STRAP: variants seen among roughly 807,000 people sequenced by gnomAD.
The protein encoded by STRAP is serine-threonine kinase receptor-associated protein.
STRAP carries 16 observed loss-of-function variants against 47.0 expected under a neutral mutation model. The observed-to-expected ratio is 0.34, with a 90% CI of 0.23 to 0.52. STRAP has a LOEUF of 0.52. Ranked by LOEUF, STRAP falls within the 20% of genes least tolerant of loss-of-function variation. The pLI is 0.96. For synonymous variants in STRAP, 130 were observed against 142.7 expected (o/e 0.91, Z 0.63); for missense variants, 293 against 420.0 (o/e 0.70, Z 2.64).
intron 2 of STRAP, 152 bp downstream of exon 2, chr12:15,883,828 C>T: frequency 9.5e-7 from 1 of 1,050,362 alleles, no homozygotes; most frequent in South Asian, 1.7e-5. Flanking sequence ...CATCGTGGTC[C>T]ATCGTGGTCC....
At chr12:15,885,212 A>G (rs947845076) in intron 2 of STRAP, among the ~76,000 whole-genome samples, 5 of 130,132 alleles carry the variant, frequency 3.8e-5, no homozygotes, top group African/African-American at 1.5e-4. Context: ...TTTTAAAGAC[A>G]GAGTCTTGCT....
chr12:15,901,405 C>T (rs185979677), intron 9 of STRAP, among the ~76,000 whole-genome samples: 96 of 152,162 alleles, frequency 6.3e-4, no homozygotes, highest in Non-Finnish European at 6.6e-4. Flanking sequence ...TTGGTAGGGA[C>T]AGGATGGAAA....
Position 15,902,913 on chromosome 12 carries a change from A to G in STRAP, c.992-4A>G, listed in dbSNP as rs756067143. The stretch of plus-strand genomic sequence containing the variant: ...TTTTTTTTTTTTTTTTTTTTTACTT[A>G]TAGAAGAAATTGCTTCAGAGAATTC... On this transcript the variant is annotated splice_polypyrimidine_tract_variant and splice_region_variant and intron_variant, in intron 9 of 9. Transcript: ENST00000419869. The G allele has an allele frequency of 1.6e-6, 2 of 1,256,614 alleles. No individual in the cohort carries two copies. The highest frequency in any genetic ancestry group is 2.0e-6 in the Non-Finnish European group (2 of 992,262). 77.8% of individuals were successfully genotyped at this position (1,256,614 alleles called of 1,614,324 possible).
chr12:15,882,914 AG>A, intron 1 of STRAP, 95 bp downstream of exon 1: 5 of 1,381,100 alleles, frequency 3.6e-6, no homozygotes, highest in Non-Finnish European at 4.0e-6. Context: ...TGGTGTGGTG[AG>A]GGGGGAGGGG....
chr12:15,898,667 G>A (rs1309525311), intron 7 of STRAP, among the ~76,000 whole-genome samples: 1 of 152,142 alleles, frequency 6.6e-6, no homozygotes, highest in Non-Finnish European at 1.5e-5. Flanking sequence ...GATGGACCAG[G>A]TATTTCACAT....
At chr12:15,902,847 A>G in intron 9 of STRAP, 70 bp from the exon 10 acceptor site, 1 of 1,426,592 alleles carries the variant, frequency 7.0e-7, no homozygotes, top group Non-Finnish European at 9.2e-7. Flanking sequence ...ACAGAAATGT[A>G]GATTTGCTTC....
intron 6 of STRAP, among the ~76,000 whole-genome samples, chr12:15,897,241 T>C (rs1006829948): frequency 2.6e-5 from 4 of 152,212 alleles, no homozygotes; most frequent in African/African-American, 9.6e-5. Context: ...CCTTTCATGA[T>C]TTTTAGGGTT....
chr12:15,902,194 G>T (rs1948109561), intron 9 of STRAP, among the ~76,000 whole-genome samples: 1 of 152,122 alleles, frequency 6.6e-6, no homozygotes, highest in Admixed American at 6.5e-5. Context: ...GGCTGGTCTT[G>T]AACTCCTGAC....
Position 15,893,179 on chromosome 12 carries a change from CT to C in STRAP, c.404-859del, listed in dbSNP as rs1360542148. On this transcript the variant is annotated intron_variant, in intron 4 of 9. Coordinates refer to ENST00000419869, the MANE Select transcript of STRAP (RefSeq NM_007178.4). The stretch of plus-strand genomic sequence containing the variant: ...TCTCCTACAGATTTAAGCTCCCTTC[CT>C]TTTTTTTTATGTTTTCCTCACAGTG... Among the ~76,000 whole-genome samples the C allele has an allele frequency of 3.3e-5, 5 of 150,840 alleles. No homozygotes were observed. In the South Asian group the frequency reaches 8.4e-4, roughly 25 times the overall value.
intron 2 of STRAP, among the ~76,000 whole-genome samples, chr12:15,884,495 G>T (rs901278309): frequency 6.7e-6 from 1 of 150,264 alleles, no homozygotes. Context: ...CCAGAAATTC[G>T]GATTTTTAAA....
chr12:15,897,479 T>C (rs1206326525), intron 6 of STRAP, among the ~76,000 whole-genome samples: 1 of 152,188 alleles, frequency 6.6e-6, no homozygotes, highest in African/African-American at 2.4e-5. Flanking sequence ...TTTATGTTAA[T>C]TACCTACTGT....
Position 15,894,280 on chromosome 12 carries a change from G to A in STRAP, c.500+137G>A, listed in dbSNP as rs77289111. 1.3e-3 allele frequency: 771 copies of A among 608,782 alleles called. 7 individuals are homozygous for A. The highest frequency in any genetic ancestry group is 0.012 in the African/African-American group (642 of 53,176). The allele number at this position is 608,782 out of a possible 1,614,324, so 37.7% of individuals were successfully genotyped here. On this transcript the variant is annotated intron_variant, in intron 5 of 9. Transcript: ENST00000419869. This position sits in a 1 kb window ranked among gnomAD's most constrained non-coding sequence, Gnocchi z 4.9. Reference sequence around the variant, plus strand: ...ACTAGACCAGCCTGGCCGACATGGCGAAATACTGTCTCTATGAAAATTACA... The same window carrying A: ...ACTAGACCAGCCTGGCCGACATGGCAAAATACTGTCTCTATGAAAATTACA...
At chr12:15,883,084 A>C in intron 1 of STRAP, 1 of 1,535,668 alleles carries the variant, frequency 6.5e-7, no homozygotes, top group Non-Finnish European at 8.7e-7. Flanking sequence ...TTTTTGAAGG[A>C]GCTGGTCAGC....
rs1263535605 is a variant in STRAP at position 15,882,649 on chromosome 12, A to G, written c.-59A>G. On this transcript the variant is annotated 5_prime_UTR_variant, in exon 1 of 10. Transcript: ENST00000419869. ...GCAGCCCGAGGCACTGCAGCAGAAG[A>G]GAGAAAAGACAACGACGACCCTCAG... is the stretch of plus-strand genomic sequence containing the variant. The G allele has an allele frequency of 2.8e-6, 4 of 1,436,626 alleles. No individual in the cohort carries two copies. The African/African-American group carries it at 5.6e-5, about 20-fold the overall frequency. The allele number at this position is 1,436,626 out of a possible 1,614,324, so 89.0% of individuals were successfully genotyped here. A position where few individuals can be genotyped will look rare whatever the true frequency, so the allele number is the denominator to read the frequency against.
In STRAP at chr12:15,903,324, G is replaced by A. The variant is rs754256998; in HGVS notation, c.*346G>A. On this transcript the variant is annotated 3_prime_UTR_variant, in exon 10 of 10. Transcript: ENST00000419869. ...AAAACTATATTGGCTGATTTTTTCT[G>A]ATCTTAAAGCAGAATGCCTTTTCTT... 2.9e-5 allele frequency: 5 copies of A among 174,292 alleles called. No homozygotes were observed. The highest frequency in any genetic ancestry group is 6.0e-5 in the Non-Finnish European group (5 of 83,610). 10.8% of individuals were successfully genotyped at this position (174,292 alleles called of 1,614,324 possible).
In STRAP at chr12:15,890,974, C is replaced by T. The variant is rs1340964300; in HGVS notation, c.403+305C>T. 1.3e-5 allele frequency among the ~76,000 whole-genome samples: 2 copies of T among 151,806 alleles called. No homozygotes were observed. Among genetic ancestry groups the T allele is most frequent in the Non-Finnish European group, 2.9e-5 (2 of 67,954 alleles). On this transcript the variant is annotated intron_variant, in intron 4 of 9. Coordinates refer to ENST00000419869, the MANE Select transcript of STRAP (RefSeq NM_007178.4). This position sits in a 1 kb window ranked among gnomAD's most constrained non-coding sequence, Gnocchi z 4.5. ...ACTTGGGAGGCTGAGGCAGGAGAAT[C>T]GCTTGAACCCGGGAGGTGGAGGTTG...
intron 1 of STRAP, 53 bp from the exon 2 acceptor site, chr12:15,883,488 G>A (rs1947941752): frequency 1.9e-6 from 3 of 1,550,386 alleles, no homozygotes; most frequent in African/African-American, 1.4e-5. Context: ...TTGAATCTTA[G>A]ACTTTAAGTA....
chr12:15,897,775 G>A (rs1948072418), intron 6 of STRAP, 107 bp from the exon 7 acceptor site: 3 of 462,236 alleles, frequency 6.5e-6, no homozygotes, highest in Non-Finnish European at 1.0e-5. Flanking sequence ...TTGAGTAAAT[G>A]AGTATTTAAT....
intron 4 of STRAP, among the ~76,000 whole-genome samples, chr12:15,891,430 T>C (rs1948013867): frequency 6.6e-6 from 1 of 152,224 alleles, no homozygotes; most frequent in Non-Finnish European, 1.5e-5. Flanking sequence ...CACTAAATAG[T>C]CTATGAACTG....
Sources: allele counts gnomAD v4.1 joint callset (sites outside exome capture counted in the v4.1 genomes callset), GRCh38; gene constraint gnomAD v4.1.1; non-coding constraint Gnocchi (gnomAD v3.1); transcripts MANE v1.5; gene names NCBI Gene and HGNC (gene_info 2026-07-23, HGNC 2026-07-21).